The following RORA variants were observed in gnomAD, a reference collection of about 807,000 sequenced individuals.
RORA encodes the protein RAR related orphan receptor A, also known as nuclear receptor ROR-alpha.
In RORA, 7 loss-of-function variants were observed where a neutral mutation model predicts 69.5. That is an observed-to-expected ratio of 0.10 (90% CI 0.06 to 0.19). RORA has a LOEUF of 0.19. RORA is among the 10% of genes least tolerant of loss of function. The pLI is 1.00. For synonymous variants in RORA, 261 were observed against 240.8 expected (o/e 1.08, Z -0.78); for missense variants, 457 against 663.0 (o/e 0.69, Z 3.41).
At chr15:61,167,329 T>C (rs1180612324) in intron 1 of RORA, among the ~76,000 whole-genome samples, 11 of 152,190 alleles carry the variant, frequency 7.2e-5, no homozygotes, top group African/African-American at 2.7e-4. Flanking sequence ...AATGACAATG[T>C]TCTTTGTCTG....
At chr15:61,058,367 C>G (rs1489553426) in intron 1 of RORA, among the ~76,000 whole-genome samples, 1 of 152,068 alleles carries the variant, frequency 6.6e-6, no homozygotes, top group Admixed American at 6.6e-5. Context: ...GGTGCCAGTT[C>G]AGGAGGAAGA....
intron 1 of RORA, among the ~76,000 whole-genome samples, chr15:61,021,799 C>G (rs991638688): frequency 6.6e-6 from 1 of 152,222 alleles, no homozygotes; most frequent in Non-Finnish European, 1.5e-5. Flanking sequence ...CAGGAAAACA[C>G]ACTGTCCTAT....
intron 2 of RORA, among the ~76,000 whole-genome samples, chr15:60,630,967 AC>A (rs999976110): frequency 1.4e-5 from 2 of 140,582 alleles, no homozygotes; most frequent in African/African-American, 5.5e-5. Flanking sequence ...GCTCACTGCA[AC>A]CTCCTCCACC....
chr15:60,817,298 C>T (rs1471553597), intron 1 of RORA, among the ~76,000 whole-genome samples: 1 of 152,148 alleles, frequency 6.6e-6, no homozygotes, highest in Non-Finnish European at 1.5e-5. Context: ...ATACTGCATT[C>T]TATTAAGTGT....
intron 2 of RORA, among the ~76,000 whole-genome samples, chr15:60,543,086 C>T (rs559785799): frequency 7.4e-5 from 11 of 149,212 alleles, no homozygotes; most frequent in East Asian, 3.9e-4. Context: ...ACCAAGGACA[C>T]GGAAAGGATA....
chr15:61,065,342 C>T (rs573186325), intron 1 of RORA, among the ~76,000 whole-genome samples: 1 of 152,210 alleles, frequency 6.6e-6, no homozygotes, highest in African/African-American at 2.4e-5. Context: ...TTAATTCTTA[C>T]TACTCTAAGT....
intron 1 of RORA, among the ~76,000 whole-genome samples, chr15:60,692,186 G>T (rs527953139): frequency 2.0e-4 from 30 of 152,304 alleles, no homozygotes; most frequent in Non-Finnish European, 4.1e-4. Context: ...AGTTGGAATA[G>T]TAGTTTGGCA....
rs542128084 is a variant in RORA at position 61,212,857 on chromosome 15, T to G, written c.166+16196A>C. Among the ~76,000 whole-genome samples the G allele has an allele frequency of 3.9e-5, 6 of 152,330 alleles. No individual in the cohort carries two copies. In the South Asian group the frequency reaches 6.2e-4, roughly 16 times the overall value. On this transcript the variant is annotated intron_variant, in intron 1 of 10. Transcript: ENST00000335670. ...TCTGCTGATATCATTTCAAAATCCA[T>G]GAACATCACCTCATAGATGTAAAAA...
At chr15:61,033,196 TA>T (rs1297715369) in intron 1 of RORA, among the ~76,000 whole-genome samples, 1 of 152,132 alleles carries the variant, frequency 6.6e-6, no homozygotes, top group Non-Finnish European at 1.5e-5. Context: ...AGTCTATGGC[TA>T]CAAAACAAAC....
At chr15:60,558,120 A>G in intron 2 of RORA, 1 of 702,938 alleles carries the variant, frequency 1.4e-6, no homozygotes, top group Non-Finnish European at 2.4e-6. Context: ...GTCTAGAAGT[A>G]TGCCCAGTGC....
At chr15:60,918,428 G>A (rs1891943105) in intron 1 of RORA, among the ~76,000 whole-genome samples, 1 of 152,172 alleles carries the variant, frequency 6.6e-6, no homozygotes, top group Non-Finnish European at 1.5e-5. Flanking sequence ...CACAGAGCAG[G>A]TACGTATTTA....
At chr15:61,102,973 C>A (rs971353205) in intron 1 of RORA, among the ~76,000 whole-genome samples, 4 of 152,180 alleles carry the variant, frequency 2.6e-5, no homozygotes, top group Non-Finnish European at 4.4e-5. Flanking sequence ...TTTGAATGCC[C>A]AGTGAGGTTA....
chr15:60,892,460 A>T (rs1187642994), intron 1 of RORA, among the ~76,000 whole-genome samples: 17 of 152,264 alleles, frequency 1.1e-4, no homozygotes, highest in Admixed American at 9.8e-4. Context: ...CCCGTGCCTT[A>T]TAATGTTTTC....
At chr15:60,808,770 T>A (rs1268861051) in intron 1 of RORA, among the ~76,000 whole-genome samples, 1 of 151,452 alleles carries the variant, frequency 6.6e-6, no homozygotes, top group East Asian at 1.9e-4. Flanking sequence ...ATATACAAAT[T>A]TATGTGTATA....
chr15:60,804,219 C>T (rs938468097), intron 1 of RORA, among the ~76,000 whole-genome samples: 3 of 128,862 alleles, frequency 2.3e-5, no homozygotes, highest in East Asian at 2.5e-4. Context: ...ACCCGGGAGG[C>T]GGAGGTTGCA....
At chr15:60,876,392 T>C (rs2073616596) in intron 1 of RORA, among the ~76,000 whole-genome samples, 1 of 151,744 alleles carries the variant, frequency 6.6e-6, no homozygotes. Context: ...TTTTGCTGAC[T>C]TGAGACATCT....
intron 1 of RORA, among the ~76,000 whole-genome samples, chr15:60,771,070 G>C (rs960771978): frequency 1.3e-5 from 2 of 152,126 alleles, no homozygotes; most frequent in African/African-American, 4.8e-5. Flanking sequence ...TGCTAAATCT[G>C]GCAACCCTAT....
At chr15:60,639,355 TAGAATAA>T (rs2069899940) in intron 2 of RORA, among the ~76,000 whole-genome samples, 1 of 152,060 alleles carries the variant, frequency 6.6e-6, no homozygotes, top group Admixed American at 6.5e-5. Flanking sequence ...TTTCCCTTCT[TAGAATAA>T]CACTTAAAAG....
chr15:61,071,089 T>C (rs1349583493), intron 1 of RORA, among the ~76,000 whole-genome samples: 2 of 150,346 alleles, frequency 1.3e-5, no homozygotes, highest in Non-Finnish European at 3.0e-5. Flanking sequence ...CACTTATCCT[T>C]TTTCTTCTGC....
Sources: gnomAD v4.1 joint callset for allele counts (sites outside exome capture counted in the v4.1 genomes callset) on GRCh38, gnomAD v4.1.1 for gene constraint, MANE v1.5 for transcripts, NCBI Gene and HGNC (gene_info 2026-07-23, HGNC 2026-07-21) for gene names.